The following DEPDC1 variants were observed in gnomAD, a reference collection of about 807,000 sequenced individuals.
DEPDC1 encodes DEP domain containing 1.
DEPDC1 carries 66 observed loss-of-function variants against 86.8 expected under a neutral mutation model. That is an observed-to-expected ratio of 0.76 (90% CI 0.62 to 0.93). DEPDC1 has a LOEUF of 0.93. Among genes scored for constraint, DEPDC1 ranks in the 40% least tolerant of loss-of-function variants. The pLI, the probability that DEPDC1 is intolerant of heterozygous loss-of-function variation, is 0.00. For missense variants in DEPDC1, 792 were observed against 935.7 expected (o/e 0.85, Z 2.00); for synonymous variants, 255 against 314.9 (o/e 0.81, Z 2.02).
intron 1 of DEPDC1, among the ~76,000 whole-genome samples, chr1:68,494,929 G>A (rs1257464826): frequency 2.6e-5 from 4 of 152,160 alleles, no homozygotes; most frequent in African/African-American, 4.8e-5. Flanking sequence ...GATCACCGGA[G>A]GTCGGGAGTT....
chr1:68,488,632 T>A (rs1468358650), intron 4 of DEPDC1, 128 bp from the exon 5 acceptor site: 3 of 779,826 alleles, frequency 3.8e-6, no homozygotes, highest in Non-Finnish European at 6.0e-6. Context: ...ATATTTAGTA[T>A]CCCCTTTCAA....
chr1:68,482,933 G>A (rs1571197902), intron 7 of DEPDC1, 36 bp from the exon 8 acceptor site: 6 of 1,528,144 alleles, frequency 3.9e-6, no homozygotes, highest in African/African-American at 1.4e-5. Flanking sequence ...AGATGCAACT[G>A]TATGACAGTG....
Position 68,484,099 on chromosome 1 carries a change from T to C in DEPDC1, c.770-9A>G. The C allele has an allele frequency of 6.5e-7, 1 of 1,531,806 alleles. No individual in the cohort carries two copies. Among genetic ancestry groups the C allele is most frequent in the Non-Finnish European group, 8.7e-7 (1 of 1,146,450 alleles). The allele number at this position is 1,531,806 out of a possible 1,614,324, so 94.9% of individuals were successfully genotyped here. On this transcript the variant is annotated splice_polypyrimidine_tract_variant and intron_variant, in intron 6 of 11. Coordinates refer to ENST00000456315, the MANE Select transcript of DEPDC1 (RefSeq NM_001114120.3). ...ATCATTGCTTCTTGGCCCTAAGAAG[T>C]AGAAGGCAAGAGAAAAAGGTAAAGT...
In DEPDC1 at chr1:68,497,017, G is replaced by A. The variant is rs1415666411; in HGVS notation, c.-18C>T. ...CTCTCCATAGGTCTGTCAGCGCCCG[G>A]TGGCGTCCATGGCGGCGAAGGCGAC... On this transcript the variant is annotated 5_prime_UTR_variant, in exon 1 of 12. Transcript: ENST00000456315. 10 of 1,611,030 alleles carry A rather than the reference G, an allele frequency of 6.2e-6. No individual in the cohort carries two copies. Among genetic ancestry groups the A allele is most frequent in the Non-Finnish European group, 8.5e-6 (10 of 1,178,100 alleles).
Position 68,484,276 on chromosome 1 carries a change from A to G in DEPDC1, c.770-186T>C, listed in dbSNP as rs17130709. ...ATTATCTTTCCACTGGAAGCAGTCA[A>G]TTGCTAGTATTTTGTTTAACATTTG... On this transcript the variant is annotated intron_variant, in intron 6 of 11. Coordinates refer to ENST00000456315, the MANE Select transcript of DEPDC1 (RefSeq NM_001114120.3). Among the ~76,000 whole-genome samples the G allele has an allele frequency of 6.4e-3, 977 of 152,160 alleles. 12 individuals carry two copies. Among genetic ancestry groups the G allele is most frequent in the African/African-American group, 0.023 (944 of 41,544 alleles).
intron 9 of DEPDC1, among the ~76,000 whole-genome samples, chr1:68,479,708 C>T (rs1319295803): frequency 3.3e-5 from 5 of 150,772 alleles, no homozygotes; most frequent in Non-Finnish European, 7.4e-5. Flanking sequence ...GAGAGTGAGG[C>T]AGAAGGATTT....
In DEPDC1 at chr1:68,494,444, G is replaced by T. The variant is rs370265297; in HGVS notation, c.300C>A (p.Asn100Lys). The change falls in exon 2 of 12, where the codon AAC becomes AAA. Residue 100 changes from asparagine to lysine, a missense_variant. Coordinates refer to ENST00000456315, the MANE Select transcript of DEPDC1 (RefSeq NM_001114120.3). ...CTGTTCATTACCTGAAGAGCTGGTT[G>T]TTATCATCAACATTTTCTGATCCCC... The part of the protein sequence containing the change: ...GRWGSENVDD[N>K]NQLFRFPATS... 2.5e-6 allele frequency: 4 copies of T among 1,613,238 alleles called. No individual in the cohort carries two copies. In the African/African-American group the frequency reaches 5.3e-5, roughly 22 times the overall value.
intron 7 of DEPDC1, 31 bp downstream of exon 7, chr1:68,483,919 A>G (rs780955465): frequency 2.3e-6 from 3 of 1,314,928 alleles, no homozygotes; most frequent in Admixed American, 5.4e-5. Context: ...CTTTAACAAA[A>G]TGAACTAAAA....
At chr1:68,479,636 CT>C (rs1646140346) in intron 9 of DEPDC1, among the ~76,000 whole-genome samples, 1 of 151,672 alleles carries the variant, frequency 6.6e-6, no homozygotes, top group African/African-American at 2.4e-5. Context: ...AACCCTATAC[CT>C]ATGAAGAAAT....
In DEPDC1 at chr1:68,494,521, G is replaced by A. The variant is rs768441887; in HGVS notation, c.223C>T (p.Leu75=). The A allele has an allele frequency of 7.4e-6, 12 of 1,613,678 alleles. No individual in the cohort carries two copies. The highest frequency in any genetic ancestry group is 1.0e-5 in the Non-Finnish European group (12 of 1,179,768). ...PEVTRQQTIQ[L]LRKFLKNHVI... ...TGATTCTTAAGAAATTTCCTCAACA[G>A]TTGGATAGTCTGTTGCCTTGTAACT... Residue 75 remains leucine (L), a synonymous_variant, in exon 2 of 12, where the codon CTG becomes TTG. Coordinates refer to ENST00000456315, the MANE Select transcript of DEPDC1 (RefSeq NM_001114120.3).
intron 1 of DEPDC1, 34 bp from the exon 2 acceptor site, chr1:68,494,729 G>A: frequency 6.5e-7 from 1 of 1,548,294 alleles, no homozygotes; most frequent in Non-Finnish European, 8.8e-7. Context: ...TTAAAAAATT[G>A]AAGAAAAATT....
chr1:68,481,668 C>T (rs1646156888), intron 8 of DEPDC1, 56 bp from the exon 9 acceptor site: 6 of 1,398,386 alleles, frequency 4.3e-6, no homozygotes, highest in African/African-American at 1.4e-5. Flanking sequence ...TGCTTTCATA[C>T]TACCAGTATA....
chr1:68,479,007 A>T (rs887950621), intron 10 of DEPDC1, 137 bp downstream of exon 10: 4 of 667,510 alleles, frequency 6.0e-6, no homozygotes, highest in Middle Eastern at 2.5e-4. Context: ...TGAGTCCCAG[A>T]TTCTGTCTAC....
At chr1:68,488,130 TAAC>T (rs1646204956) in intron 5 of DEPDC1, among the ~76,000 whole-genome samples, 1 of 151,902 alleles carries the variant, frequency 6.6e-6, no homozygotes, top group African/African-American at 2.4e-5. Context: ...TTTGGATGCT[TAAC>T]TTTGTCATTT....
chr1:68,482,532 T>C lies in DEPDC1; in HGVS notation c.1276A>G (p.Ile426Val), dbSNP rs749930852. 3.1e-6 allele frequency: 5 copies of C among 1,613,160 alleles called. No individual in the cohort carries two copies. In the East Asian group the frequency reaches 1.1e-4, roughly 36 times the overall value. The change falls in exon 8 of 12, where the codon ATT becomes GTT. Residue 426 changes from isoleucine (I) to valine (V), a missense_variant. Coordinates refer to ENST00000456315, the MANE Select transcript of DEPDC1 (RefSeq NM_001114120.3). ...SKPRCCSLEGIVDVPGNSSKE... is the reference protein window; with the variant it reads ...SKPRCCSLEGVVDVPGNSSKE... Reference sequence around the variant, plus strand: ...CTTGAATTCCCTGGCACATCTACAATTCCTTCCAAAGAACAGCACCTTGGT... The same window carrying C: ...CTTGAATTCCCTGGCACATCTACAACTCCTTCCAAAGAACAGCACCTTGGT...
chr1:68,480,412 C>A (rs1646147453), intron 9 of DEPDC1, among the ~76,000 whole-genome samples: 1 of 151,966 alleles, frequency 6.6e-6, no homozygotes, highest in Non-Finnish European at 1.5e-5. Context: ...TTTCCTGTCT[C>A]CTTCCATGGC....
chr1:68,486,308 T>C (rs1421845788), intron 6 of DEPDC1, among the ~76,000 whole-genome samples: 1 of 151,988 alleles, frequency 6.6e-6, no homozygotes, highest in Non-Finnish European at 1.5e-5. Flanking sequence ...GCACACAACC[T>C]TCCTCCTGCT....
intron 6 of DEPDC1, 139 bp from the exon 7 acceptor site, chr1:68,484,229 AG>A: frequency 1.7e-6 from 1 of 579,770 alleles, no homozygotes; most frequent in Non-Finnish European, 2.8e-6. Flanking sequence ...AAAAATTTAA[AG>A]GGTGTATTTC....
chr1:68,495,428 A>G (rs1323682662), intron 1 of DEPDC1, among the ~76,000 whole-genome samples: 1 of 152,232 alleles, frequency 6.6e-6, no homozygotes, highest in Non-Finnish European at 1.5e-5. Flanking sequence ...AATAGGTACT[A>G]TTAATTTCTC....
Sources: allele counts gnomAD v4.1 joint callset (sites outside exome capture counted in the v4.1 genomes callset), GRCh38; gene constraint gnomAD v4.1.1; transcripts MANE v1.5; gene names NCBI Gene and HGNC (gene_info 2026-07-23, HGNC 2026-07-21).